Variants in TNRC6A observed in about 807,000 individuals in gnomAD.
TNRC6A encodes the protein trinucleotide repeat containing adaptor 6A.
TNRC6A carries 44 observed loss-of-function variants against 221.2 expected under a neutral mutation model. The ratio of observed to expected loss-of-function variants is 0.20; its 90% CI spans 0.16 to 0.26. TNRC6A has a LOEUF of 0.26. Among genes scored for constraint, TNRC6A ranks in the 10% least tolerant of loss-of-function variants. The pLI is 1.00. For missense variants in TNRC6A, 2,199 were observed against 2,404.4 expected (o/e 0.91, Z 1.79); for synonymous variants, 847 against 838.5 (o/e 1.01, Z -0.18).
At chr16:24,778,577 A>T in intron 5 of TNRC6A, 1 of 833,772 alleles carries the variant, frequency 1.2e-6, no homozygotes, top group Non-Finnish European at 1.4e-6. Context: ...TACCTGTGTG[A>T]GCTTGGCCAT....
At chr16:24,658,530 T>A (rs2054963609) in intron 2 of TNRC6A, among the ~76,000 whole-genome samples, 1 of 151,824 alleles carries the variant, frequency 6.6e-6, no homozygotes, top group African/African-American at 2.4e-5. Flanking sequence ...ACCAGCTAAT[T>A]TTTGTATTTT....
At chr16:24,771,582 T>TTGTTATGTTA (rs10625690) in intron 4 of TNRC6A, among the ~76,000 whole-genome samples, 6,225 of 94,914 alleles carry the variant, frequency 0.066, 316 homozygotes, top group African/African-American at 0.074. Flanking sequence ...TTATGTTATG[T>TTGTTATGTTA]TGTTATGTTA....
rs2058046533 is a variant in TNRC6A, at chr16:24,789,403, T to C, written c.761T>C (p.Met254Thr). ...GSDPELASEC[M>T]DADSASSSES... is the part of the protein sequence containing the mutation. Reference sequence around the variant, plus strand: ...GATCCGGAGTTGGCTTCAGAATGTATGGATGCTGATTCTGCCTCCAGTTCT... The same window carrying C: ...GATCCGGAGTTGGCTTCAGAATGTACGGATGCTGATTCTGCCTCCAGTTCT... The change falls in exon 6 of 25, where the codon ATG becomes ACG. Residue 254 changes from methionine (M) to threonine (T), a missense_variant. This residue lies in a region of TNRC6A where 1,405 missense variants were observed against 1,400.2 expected (regional missense o/e 1.00). Coordinates refer to ENST00000395799, the MANE Select transcript of TNRC6A (RefSeq NM_014494.4). 7.4e-6 allele frequency: 12 copies of C among 1,614,112 alleles called. No individual in the cohort carries two copies. Among genetic ancestry groups the C allele is most frequent in the South Asian group, 6.6e-5 (6 of 91,086 alleles).
At chr16:24,693,231 G>C (rs997595906) in intron 2 of TNRC6A, among the ~76,000 whole-genome samples, 3 of 151,432 alleles carry the variant, frequency 2.0e-5, no homozygotes, top group Admixed American at 1.3e-4. Context: ...GAGGTGGGAG[G>C]ATCACTTGAG....
At chr16:24,758,470 T>C (rs1260878135) in intron 4 of TNRC6A, 110 bp downstream of exon 4, 1 of 1,179,664 alleles carries the variant, frequency 8.5e-7, no homozygotes, top group Non-Finnish European at 1.2e-6. Context: ...AAAGAAGCGG[T>C]TGGGATTAGC....
At chr16:24,748,975 C>T (rs2057075883) in intron 2 of TNRC6A, among the ~76,000 whole-genome samples, 4 of 152,038 alleles carry the variant, frequency 2.6e-5, no homozygotes, top group South Asian at 4.2e-4. Flanking sequence ...CCCAGTTTCA[C>T]GCCATTCTCC....
At chr16:24,740,794 C>T (rs2056874901) in intron 2 of TNRC6A, among the ~76,000 whole-genome samples, 1 of 152,182 alleles carries the variant, frequency 6.6e-6, no homozygotes, top group African/African-American at 2.4e-5. Context: ...CCCGTTAAAT[C>T]ATAACTCCCT....
At chr16:24,672,417 C>A (rs1404489505) in intron 2 of TNRC6A, among the ~76,000 whole-genome samples, 2 of 151,794 alleles carry the variant, frequency 1.3e-5, no homozygotes, top group Non-Finnish European at 2.9e-5. Flanking sequence ...CGTGAGCCAC[C>A]GCGCCTGGCC....
At chr16:24,701,156 T>C (rs939929476) in intron 2 of TNRC6A, among the ~76,000 whole-genome samples, 4 of 152,150 alleles carry the variant, frequency 2.6e-5, no homozygotes, top group African/African-American at 9.7e-5. Flanking sequence ...ATGAGTAACA[T>C]TGAAAGAATT....
intron 8 of TNRC6A, 48 bp downstream of exon 8, chr16:24,794,767 A>T (rs746146768): frequency 6.4e-7 from 1 of 1,553,634 alleles, no homozygotes; most frequent in Admixed American, 2.0e-5. Flanking sequence ...TTCCAAAGGT[A>T]GTTTACCCAC....
At chr16:24,624,271 A>G (rs1399009069) in intron 1 of TNRC6A, among the ~76,000 whole-genome samples, 1 of 152,206 alleles carries the variant, frequency 6.6e-6, no homozygotes, top group Non-Finnish European at 1.5e-5. Context: ...ACATTTGCTG[A>G]CATCCCATTG....
intron 2 of TNRC6A, among the ~76,000 whole-genome samples, chr16:24,698,213 CA>C (rs1277460238): frequency 2.6e-5 from 4 of 152,034 alleles, no homozygotes; most frequent in Non-Finnish European, 5.9e-5. Context: ...AGGCCTGCCC[CA>C]GATTCCAAAT....
intron 3 of TNRC6A, among the ~76,000 whole-genome samples, chr16:24,757,380 C>T (rs1448035854): frequency 1.3e-5 from 2 of 152,130 alleles, no homozygotes; most frequent in African/African-American, 2.4e-5. Flanking sequence ...TATAACTAAG[C>T]AAAATGAATT....
At chr16:24,724,602 C>T (rs926055097) in intron 2 of TNRC6A, among the ~76,000 whole-genome samples, 2 of 151,976 alleles carry the variant, frequency 1.3e-5, no homozygotes, top group Non-Finnish European at 2.9e-5. Flanking sequence ...AAAAAGTAGC[C>T]AGGTGCAGTG....
At chr16:24,660,728 C>CTT (rs138458968) in intron 2 of TNRC6A, among the ~76,000 whole-genome samples, 31 of 122,524 alleles carry the variant, frequency 2.5e-4, no homozygotes, top group Admixed American at 6.2e-4. Flanking sequence ...TTTCTTTTTT[C>CTT]TTTTTTTTTT....
intron 2 of TNRC6A, among the ~76,000 whole-genome samples, chr16:24,714,662 C>T (rs1264658283): frequency 6.6e-6 from 1 of 152,086 alleles, no homozygotes; most frequent in East Asian, 1.9e-4. Context: ...TAGTTTTTAC[C>T]TCCAGAAGTT....
chr16:24,632,796 G>A (rs1901414711), intron 1 of TNRC6A, among the ~76,000 whole-genome samples: 1 of 152,108 alleles, frequency 6.6e-6, no homozygotes, highest in South Asian at 2.1e-4. Context: ...ATCACCTGAG[G>A]TCAGGAGTTC....
chr16:24,790,676 C>G lies in TNRC6A; in HGVS notation c.2034C>G (p.Ser678Arg). Residue 678 changes from serine to arginine, a missense_variant, in exon 6 of 25, where the codon AGC becomes AGG. Coordinates refer to ENST00000395799, the MANE Select transcript of TNRC6A (RefSeq NM_014494.4). ...TGGAGAGCGATGGTAGTACAGAAAG[C>G]ACTGGACGCCTTGAGGAAAAAGGAA... ...GTVESDGSTESTGRLEEKGTG... is the reference protein window; with the variant it reads ...GTVESDGSTERTGRLEEKGTG... The G allele has an allele frequency of 1.2e-6, 2 of 1,614,192 alleles. No individual in the cohort carries two copies. The highest frequency in any genetic ancestry group is 1.7e-6 in the Non-Finnish European group (2 of 1,180,032).
Position 24,817,077 on chromosome 16 carries a change from G to C in TNRC6A, c.4972+121G>C, listed in dbSNP as rs899615408. ...GGTACTCTGGGATCACTTGAGCCCA[G>C]GAGCTTGAGGCAAGCCTGGGCAACA... On this transcript the variant is annotated intron_variant, in intron 20 of 24. Coordinates refer to ENST00000395799, the MANE Select transcript of TNRC6A (RefSeq NM_014494.4). 4.9e-6 allele frequency: 5 copies of C among 1,015,724 alleles called. No individual in the cohort carries two copies. In the African/African-American group the frequency reaches 8.2e-5, roughly 17 times the overall value. The allele number at this position is 1,015,724 out of a possible 1,614,324, so 62.9% of individuals were successfully genotyped here.
Sources: allele counts gnomAD v4.1 joint callset (sites outside exome capture counted in the v4.1 genomes callset), GRCh38; gene constraint gnomAD v4.1.1; regional missense constraint gnomAD v4.1.1; transcripts MANE v1.5; gene names NCBI Gene and HGNC (gene_info 2026-07-23, HGNC 2026-07-21).